The following DNAJC12 variants were observed in gnomAD, a reference collection of about 807,000 sequenced individuals.
DNAJC12 encodes DnaJ heat shock protein family (Hsp40) member C12, also known as dnaJ homolog subfamily C member 12.
In DNAJC12, 25 loss-of-function variants were observed where a neutral mutation model predicts 28.5. The observed-to-expected ratio is 0.88, with a 90% CI of 0.64 to 1.22. DNAJC12 has a LOEUF of 1.22. Among genes scored for constraint, DNAJC12 ranks in the 50% most tolerant of loss-of-function variants. The pLI is 0.00. For missense variants in DNAJC12, 222 were observed against 231.7 expected, an observed-to-expected ratio of 0.96 and a Z score of 0.27; for synonymous variants, 77 against 80.6, an observed-to-expected ratio of 0.95 and a Z score of 0.24.
intron 4 of DNAJC12, among the ~76,000 whole-genome samples, chr10:67,802,445 T>C (rs1471655316): frequency 3.9e-5 from 6 of 152,190 alleles, no homozygotes; most frequent in Non-Finnish European, 5.9e-5. Context: ...AATTACAGCT[T>C]GCTAGCTCCC....
At chr10:67,825,427 C>T (rs1438951968) in intron 1 of DNAJC12, 1 of 152,388 alleles carries the variant, frequency 6.6e-6, no homozygotes, top group African/African-American at 2.4e-5. Flanking sequence ...GGCAGGTTCA[C>T]CCCTCCTTAG....
chr10:67,833,306 G>A (rs1564868327), intron 1 of DNAJC12, among the ~76,000 whole-genome samples: 1 of 152,260 alleles, frequency 6.6e-6, no homozygotes, highest in East Asian at 1.9e-4. Flanking sequence ...TTTCTCCAAT[G>A]GCAGAGCTGA....
At chr10:67,801,777 C>T (rs1297244655) in intron 4 of DNAJC12, among the ~76,000 whole-genome samples, 2 of 123,816 alleles carry the variant, frequency 1.6e-5, no homozygotes. Flanking sequence ...GCAACAAGAG[C>T]AAAACTCTGT....
intron 4 of DNAJC12, among the ~76,000 whole-genome samples, chr10:67,797,867 C>T (rs1190501710): frequency 7.9e-5 from 12 of 151,868 alleles, no homozygotes; most frequent in South Asian, 4.1e-4. Flanking sequence ...GGTGAAACCC[C>T]GTCTCTACTA....
intron 1 of DNAJC12, among the ~76,000 whole-genome samples, chr10:67,828,005 A>G (rs1842054221): frequency 6.6e-6 from 1 of 152,144 alleles, no homozygotes; most frequent in Admixed American, 6.6e-5. Context: ...AGTGCAGTCC[A>G]TTGGAGCTGA....
At chr10:67,804,466 G>C (rs1160191164) in intron 4 of DNAJC12, among the ~76,000 whole-genome samples, 4 of 152,176 alleles carry the variant, frequency 2.6e-5, no homozygotes, top group African/African-American at 7.2e-5. Context: ...CCTCAAGCCA[G>C]CCTCCTGCCT....
chr10:67,809,981 GT>G (rs756504074), intron 3 of DNAJC12, among the ~76,000 whole-genome samples: 15 of 152,094 alleles, frequency 9.9e-5, no homozygotes, highest in Non-Finnish European at 2.1e-4. Flanking sequence ...ACTTGTATTA[GT>G]CCATTTCACA....
chr10:67,812,228 G>A (rs760123950), intron 2 of DNAJC12, among the ~76,000 whole-genome samples: 3 of 152,156 alleles, frequency 2.0e-5, no homozygotes, highest in Non-Finnish European at 4.4e-5. Flanking sequence ...AGAGGAAGTA[G>A]TAATTGCCAG....
intron 4 of DNAJC12, among the ~76,000 whole-genome samples, chr10:67,798,014 T>C (rs568825925): frequency 2.1e-5 from 3 of 144,876 alleles, no homozygotes; most frequent in Non-Finnish European, 4.5e-5. Context: ...CACTCAGGCC[T>C]GGGCGACAGA....
At chr10:67,817,346 G>A (rs1841926291) in intron 2 of DNAJC12, among the ~76,000 whole-genome samples, 1 of 152,118 alleles carries the variant, frequency 6.6e-6, no homozygotes, top group African/African-American at 2.4e-5. Context: ...GAGCAATCCA[G>A]ACAAACAAGC....
chr10:67,837,149 G>T (rs1036525847), intron 1 of DNAJC12, among the ~76,000 whole-genome samples: 1 of 151,838 alleles, frequency 6.6e-6, no homozygotes, highest in Non-Finnish European at 1.5e-5. Flanking sequence ...GTTATAATAC[G>T]AATGGGTAAA....
At chr10:67,798,758 C>CTTT (rs377308990) in intron 4 of DNAJC12, among the ~76,000 whole-genome samples, 29,885 of 131,768 alleles carry the variant, frequency 0.23, 4,761 homozygotes, top group African/African-American at 0.46. Flanking sequence ...TGTGATTTTC[C>CTTT]TTTTTTTTTT....
chr10:67,833,988 G>C (rs1842118959), intron 1 of DNAJC12: 2 of 454,392 alleles, frequency 4.4e-6, no homozygotes, highest in Admixed American at 5.1e-5. Context: ...TGCCAAAAAA[G>C]GGAAAATAAG....
intron 2 of DNAJC12, among the ~76,000 whole-genome samples, chr10:67,822,932 T>C (rs1841994513): frequency 6.6e-6 from 1 of 151,444 alleles, no homozygotes; most frequent in Non-Finnish European, 1.5e-5. Context: ...GAGCCAGAGG[T>C]TGCAGTGAGA....
intron 3 of DNAJC12, chr10:67,810,874 G>A (rs1015874449): frequency 1.3e-5 from 2 of 152,124 alleles, no homozygotes; most frequent in Admixed American, 6.5e-5. Flanking sequence ...GTGTTCCAAT[G>A]GAGAGAATCT....
chr10:67,801,622 TC>T (rs1261545543), intron 4 of DNAJC12, among the ~76,000 whole-genome samples: 1 of 151,832 alleles, frequency 6.6e-6, no homozygotes. Context: ...AAACCCCATC[TC>T]TACTAAAAAT....
intron 3 of DNAJC12, among the ~76,000 whole-genome samples, chr10:67,810,243 A>C (rs1412487868): frequency 6.6e-6 from 1 of 152,136 alleles, no homozygotes; most frequent in Admixed American, 6.5e-5. Context: ...GCAAGGGGGA[A>C]ATCTGCCCCC....
chr10:67,813,888 A>G (rs1380113594), intron 2 of DNAJC12, among the ~76,000 whole-genome samples: 1 of 152,096 alleles, frequency 6.6e-6, no homozygotes, highest in Non-Finnish European at 1.5e-5. Flanking sequence ...CCACGTTCAT[A>G]AAGATTTACT....
intron 3 of DNAJC12, among the ~76,000 whole-genome samples, chr10:67,808,049 T>G (rs1416455929): frequency 6.6e-6 from 1 of 152,226 alleles, no homozygotes; most frequent in East Asian, 1.9e-4. Flanking sequence ...CCTGGTTTGC[T>G]GGGACACAGT....
Sources: gnomAD v4.1 joint callset for allele counts (sites outside exome capture counted in the v4.1 genomes callset) on GRCh38, gnomAD v4.1.1 for gene constraint, MANE v1.5 for transcripts, NCBI Gene and HGNC (gene_info 2026-07-23, HGNC 2026-07-21) for gene names.